The following DTNB variants were observed in gnomAD, a reference collection of about 807,000 sequenced individuals.
DTNB encodes the protein dystrobrevin beta.
A neutral mutation model predicts 90.7 loss-of-function variants in DTNB; 63 were observed. The observed-to-expected ratio is 0.69, with a 90% confidence interval of 0.57 to 0.86. The LOEUF (loss-of-function observed/expected upper bound fraction) is 0.86. Among genes scored for constraint, DTNB ranks in the 40% least tolerant of loss-of-function variants. The pLI, the probability that DTNB is intolerant of heterozygous loss-of-function variation, is 0.00. For missense variants in DTNB, 744 were observed against 807.1 expected (o/e 0.92, Z 0.95); for synonymous variants, 277 against 286.7 (o/e 0.97, Z 0.34).
chr2:25,567,742 C>T (rs1445257532), intron 8 of DTNB, among the ~76,000 whole-genome samples: 1 of 152,134 alleles, frequency 6.6e-6, no homozygotes, highest in Non-Finnish European at 1.5e-5. Flanking sequence ...GAGAGACTTC[C>T]TGCCAAGGAG....
chr2:25,490,134 G>C (rs1261566998), intron 9 of DTNB, among the ~76,000 whole-genome samples: 2 of 152,260 alleles, frequency 1.3e-5, no homozygotes, highest in Admixed American at 1.3e-4. Flanking sequence ...AAATCAGCTA[G>C]GTGTGGTGGC....
chr2:25,485,919 C>T (rs1290330799), intron 9 of DTNB, among the ~76,000 whole-genome samples: 1 of 151,726 alleles, frequency 6.6e-6, no homozygotes, highest in Non-Finnish European at 1.5e-5. Flanking sequence ...GTCAGGAGTT[C>T]AAGACCAGCC....
At chr2:25,496,255 T>G (rs1282629121) in intron 9 of DTNB, among the ~76,000 whole-genome samples, 1 of 152,214 alleles carries the variant, frequency 6.6e-6, no homozygotes, top group Non-Finnish European at 1.5e-5. Flanking sequence ...TTTTTATTTT[T>G]AAAAACCTTT....
intron 2 of DTNB, among the ~76,000 whole-genome samples, chr2:25,641,165 A>G (rs1413457606): frequency 6.6e-6 from 1 of 152,184 alleles, no homozygotes; most frequent in Non-Finnish European, 1.5e-5. Context: ...CATAAAGCCC[A>G]GTGGAAAAAG....
chr2:25,628,574 G>A lies in DTNB; in HGVS notation c.149-190C>T, dbSNP rs577222212. Among the ~76,000 whole-genome samples, 20 of 152,212 alleles carry A rather than the reference G, an allele frequency of 1.3e-4. No homozygotes were observed. In the South Asian group the frequency reaches 1.9e-3, roughly 14 times the overall value. On this transcript the variant is annotated intron_variant, in intron 3 of 20. Coordinates refer to ENST00000406818, the MANE Select transcript of DTNB (RefSeq NM_021907.5). ...GACAACATCAAGGAGCCACCACAGC[G>A]GTATGGGAAGGACTACTTCCAGCCT...
At chr2:25,580,966 T>C (rs1486727975) in intron 6 of DTNB, 140 bp from the exon 7 acceptor site, 3 of 625,428 alleles carry the variant, frequency 4.8e-6, no homozygotes, top group Non-Finnish European at 8.4e-6. Flanking sequence ...TTTACATTAC[T>C]ACAGACACTA....
chr2:25,596,990 A>G (rs1443718342), intron 5 of DTNB, among the ~76,000 whole-genome samples: 2 of 152,226 alleles, frequency 1.3e-5, no homozygotes, highest in Non-Finnish European at 2.9e-5. Context: ...AGAAAACCAG[A>G]AGTCAAAAGA....
At chr2:25,461,179 C>T (rs2060892492) in intron 10 of DTNB, among the ~76,000 whole-genome samples, 2 of 152,248 alleles carry the variant, frequency 1.3e-5, no homozygotes, top group African/African-American at 4.8e-5. Flanking sequence ...GTTGGGATTA[C>T]AGGCGTGAGC....
At chr2:25,573,974 A>G (rs2060273693) in intron 8 of DTNB, among the ~76,000 whole-genome samples, 1 of 152,184 alleles carries the variant, frequency 6.6e-6, no homozygotes, top group Non-Finnish European at 1.5e-5. Context: ...GCGGAGTCCT[A>G]ATGACGTTCT....
intron 8 of DTNB, among the ~76,000 whole-genome samples, chr2:25,539,755 T>C (rs1196931712): frequency 6.6e-6 from 1 of 152,114 alleles, no homozygotes; most frequent in East Asian, 1.9e-4. Context: ...TTTTCCTTTA[T>C]ATTCTGTTCT....
intron 8 of DTNB, among the ~76,000 whole-genome samples, chr2:25,533,502 A>G (rs1244486250): frequency 1.3e-5 from 2 of 152,192 alleles, no homozygotes; most frequent in Non-Finnish European, 2.9e-5. Flanking sequence ...CCGTTTCTGC[A>G]CTGCCCCCAG....
chr2:25,626,769 C>T (rs1359116482), intron 4 of DTNB, among the ~76,000 whole-genome samples: 1 of 152,188 alleles, frequency 6.6e-6, no homozygotes, highest in Non-Finnish European at 1.5e-5. Context: ...TAAGATATAA[C>T]TAATAGCATT....
intron 16 of DTNB, among the ~76,000 whole-genome samples, chr2:25,418,516 T>C (rs1330726315): frequency 1.3e-5 from 2 of 152,020 alleles, no homozygotes; most frequent in African/African-American, 4.8e-5. Flanking sequence ...CTGGCCAATA[T>C]GGTGAAACCC....
At chr2:25,432,447 T>C (rs2054218558) in intron 14 of DTNB, among the ~76,000 whole-genome samples, 1 of 152,210 alleles carries the variant, frequency 6.6e-6, no homozygotes, top group African/African-American at 2.4e-5. Flanking sequence ...GTCTCAGAGA[T>C]GCGCACAGGA....
At chr2:25,616,961 A>AAAAAAAC (rs2070883274) in intron 4 of DTNB, among the ~76,000 whole-genome samples, 2 of 151,166 alleles carry the variant, frequency 1.3e-5, no homozygotes, top group Non-Finnish European at 3.0e-5. Context: ...AAGGAAAAAA[A>AAAAAAAC]AGACTCATTA....
intron 9 of DTNB, among the ~76,000 whole-genome samples, chr2:25,521,383 AT>A (rs1163503090): frequency 2.0e-5 from 3 of 150,570 alleles, no homozygotes; most frequent in African/African-American, 7.4e-5. Context: ...CTGTGTCCCA[AT>A]AATTTTTTTT....
chr2:25,637,588 G>A (rs2148820045), intron 3 of DTNB, among the ~76,000 whole-genome samples: 1 of 152,314 alleles, frequency 6.6e-6, no homozygotes, highest in East Asian at 1.9e-4. Context: ...CATTTATGCA[G>A]CCAACAGACA....
Position 25,419,517 on chromosome 2 carries a change from C to T in DTNB, c.1573G>A (p.Ala525Thr). 2 of 1,558,540 alleles carry T rather than the reference C, an allele frequency of 1.3e-6. No homozygotes were observed. Among genetic ancestry groups the T allele is most frequent in the Non-Finnish European group, 1.7e-6 (2 of 1,150,820 alleles). ...KLLKEEEQKQ[A>T]AQATGSPHTS... Reference sequence around the variant, plus strand: ...GGGAAATTCCGAAGTTCACTTACTGCCTGCTTTTGCTCTTCCTCCTGGAGT... The same window carrying T: ...GGGAAATTCCGAAGTTCACTTACTGTCTGCTTTTGCTCTTCCTCCTGGAGT... The change falls in exon 16 of 21, where the codon GCA becomes ACA. Residue 525 changes from alanine to threonine, a missense_variant and splice_region_variant. Ala to Thr is a moderately conservative substitution (Grantham distance 58). Coordinates refer to ENST00000406818, the MANE Select transcript of DTNB (RefSeq NM_021907.5).
chr2:25,667,072 C>T (rs60315551), intron 1 of DTNB, among the ~76,000 whole-genome samples: 24,415 of 151,390 alleles, frequency 0.16, 2,541 homozygotes, highest in East Asian at 0.58. Flanking sequence ...AGACTGAGGC[C>T]CAGTAGGTCA....
Sources: gnomAD v4.1 joint callset for allele counts (sites outside exome capture counted in the v4.1 genomes callset) on GRCh38, gnomAD v4.1.1 for gene constraint, MANE v1.5 for transcripts, NCBI Gene and HGNC (gene_info 2026-07-23, HGNC 2026-07-21) for gene names.